SRGAP1: variants seen among roughly 807,000 people sequenced by gnomAD.
SRGAP1 encodes SLIT-ROBO Rho GTPase activating protein 1, also known as SLIT-ROBO Rho GTPase-activating protein 1.
In SRGAP1, 43 loss-of-function variants were observed where a neutral mutation model predicts 121.9. That is an observed-to-expected ratio of 0.35 (90% CI 0.28 to 0.46). SRGAP1 has a LOEUF of 0.46. SRGAP1 is among the 20% of genes least tolerant of loss of function. The pLI is 1.00. For missense variants in SRGAP1, 1,102 were observed against 1,350.9 expected (o/e 0.82, Z 2.89); for synonymous variants, 447 against 485.4 (o/e 0.92, Z 1.04).
intron 15 of SRGAP1, among the ~76,000 whole-genome samples, chr12:64,103,475 C>T (rs1175926215): frequency 2.0e-5 from 3 of 152,130 alleles, no homozygotes; most frequent in African/African-American, 7.2e-5. Context: ...CTATGATGAG[C>T]TTCTTAGTAC....
At chr12:63,904,301 T>A (rs1440531272) in intron 1 of SRGAP1, among the ~76,000 whole-genome samples, 1 of 152,178 alleles carries the variant, frequency 6.6e-6, no homozygotes, top group Non-Finnish European at 1.5e-5. Context: ...GATCACACAT[T>A]TCTGTTCACA....
At chr12:63,933,677 C>G (rs541813562) in intron 1 of SRGAP1, among the ~76,000 whole-genome samples, 12 of 152,288 alleles carry the variant, frequency 7.9e-5, no homozygotes, top group African/African-American at 2.9e-4. Flanking sequence ...AACTATCTTT[C>G]TTTTCCATTT....
chr12:64,008,451 T>G (rs928891410), intron 3 of SRGAP1, among the ~76,000 whole-genome samples: 7 of 152,170 alleles, frequency 4.6e-5, no homozygotes, highest in African/African-American at 1.7e-4. Context: ...TCTGAGGTGG[T>G]GCTATTCAGC....
chr12:64,049,640 A>G (rs1378714625), intron 6 of SRGAP1, among the ~76,000 whole-genome samples: 2 of 152,178 alleles, frequency 1.3e-5, no homozygotes, highest in African/African-American at 2.4e-5. Flanking sequence ...CAGCCAAACC[A>G]TATCAATGTT....
chr12:63,931,553 CAT>C (rs2031477314), intron 1 of SRGAP1, among the ~76,000 whole-genome samples: 1 of 152,152 alleles, frequency 6.6e-6, no homozygotes, highest in South Asian at 2.1e-4. Flanking sequence ...AGGAACAAGA[CAT>C]ATCATTTGAG....
In SRGAP1 at chr12:64,143,157, T is replaced by G. The variant is rs2036995160; in HGVS notation, c.*485T>G. 1 of 160,594 alleles carries G rather than the reference T, an allele frequency of 6.2e-6. No homozygotes were observed. The highest frequency in any genetic ancestry group is 1.4e-5 in the Non-Finnish European group (1 of 72,414). The allele number at this position is 160,594 out of a possible 1,614,324, so 9.9% of individuals were successfully genotyped here. A position where few individuals can be genotyped will look rare whatever the true frequency, so the allele number is the denominator to read the frequency against. ...CCTTCGGTTCCATGTGGAGCGGGGT[T>G]TAGCTCATGCAAAAGACTTGCAATT... On this transcript the variant is annotated 3_prime_UTR_variant, in exon 22 of 22. Transcript: ENST00000355086.
chr12:63,981,456 T>C (rs2033244290), intron 1 of SRGAP1, among the ~76,000 whole-genome samples: 1 of 152,238 alleles, frequency 6.6e-6, no homozygotes, highest in Admixed American at 6.5e-5. Context: ...GTTCTAAAAT[T>C]ACTTCATCTT....
At chr12:63,915,856 A>G (rs1023382760) in intron 1 of SRGAP1, among the ~76,000 whole-genome samples, 1 of 152,122 alleles carries the variant, frequency 6.6e-6, no homozygotes, top group Non-Finnish European at 1.5e-5. Flanking sequence ...CCTTTCACTA[A>G]CCTTCAAAAG....
intron 1 of SRGAP1, among the ~76,000 whole-genome samples, chr12:63,884,963 G>T (rs933947740): frequency 2.0e-5 from 3 of 151,834 alleles, no homozygotes; most frequent in Non-Finnish European, 4.4e-5. Flanking sequence ...CTCGTGATCC[G>T]CCCGCCTCGG....
chr12:64,032,421 C>A, intron 4 of SRGAP1: 3 of 648,226 alleles, frequency 4.6e-6, no homozygotes, highest in Admixed American at 4.7e-5. Context: ...TCAGTCAGAT[C>A]TCTGGGCTGA....
intron 6 of SRGAP1, among the ~76,000 whole-genome samples, chr12:64,055,165 C>A (rs2035316877): frequency 6.7e-6 from 1 of 149,290 alleles, no homozygotes. Flanking sequence ...TCTCAGGATA[C>A]AAAATCAATG....
intron 3 of SRGAP1, among the ~76,000 whole-genome samples, chr12:63,991,321 A>G (rs2033551485): frequency 6.6e-6 from 1 of 152,172 alleles, no homozygotes; most frequent in Admixed American, 6.5e-5. Context: ...CTTAAAACAA[A>G]GACATAGTGT....
intron 18 of SRGAP1, among the ~76,000 whole-genome samples, chr12:64,120,092 C>A (rs2036582314): frequency 6.6e-6 from 1 of 152,080 alleles, no homozygotes; most frequent in African/African-American, 2.4e-5. Flanking sequence ...TTTCTTTCTA[C>A]AAGTTGTATT....
chr12:64,032,453 A>G (rs2034801926), intron 4 of SRGAP1: 2 of 764,600 alleles, frequency 2.6e-6, no homozygotes, highest in Non-Finnish European at 4.6e-6. Flanking sequence ...AGTTTGCCCC[A>G]CCATTGGATT....
At chr12:63,958,901 T>A (rs1310416102) in intron 1 of SRGAP1, among the ~76,000 whole-genome samples, 1 of 152,260 alleles carries the variant, frequency 6.6e-6, no homozygotes, top group Non-Finnish European at 1.5e-5. Flanking sequence ...AAGTCCCATT[T>A]ATGTAAAGCA....
intron 1 of SRGAP1, among the ~76,000 whole-genome samples, chr12:63,968,184 T>G (rs941952227): frequency 1.3e-4 from 20 of 152,238 alleles, no homozygotes; most frequent in African/African-American, 4.3e-4. Flanking sequence ...TTTGTTCCTC[T>G]TATATTTATG....
At chr12:64,016,871 A>G in intron 3 of SRGAP1, 79 bp from the exon 4 acceptor site, 1 of 768,160 alleles carries the variant, frequency 1.3e-6, no homozygotes, top group South Asian at 1.9e-5. Context: ...CGTGTTAGAT[A>G]CATTCCTCTA....
intron 6 of SRGAP1, among the ~76,000 whole-genome samples, chr12:64,047,788 T>TA (rs1319112091): frequency 6.6e-6 from 1 of 152,120 alleles, no homozygotes; most frequent in East Asian, 1.9e-4. Context: ...ATGTGTATTG[T>TA]AAAAAACCAG....
In SRGAP1 at chr12:64,078,990, T is replaced by G. The variant is rs1466322857; in HGVS notation, c.1197T>G (p.Ser399=). The G allele has an allele frequency of 6.2e-7, 1 of 1,614,142 alleles. No homozygotes were observed. Among genetic ancestry groups the G allele is most frequent in the Non-Finnish European group, 8.5e-7 (1 of 1,180,006 alleles). ...DMVTIEDYDV[S]ECFQHSRSTE... is the part of the protein sequence containing the mutation. The stretch of plus-strand genomic sequence containing the variant: ...TCACCATCGAGGACTATGATGTTTC[T>G]GAATGCTTCCAGCACAGTCGTTCCA... The change falls in exon 9 of 22, where the codon TCT becomes TCG. Residue 399 remains serine, a synonymous_variant. Transcript: ENST00000355086.
Sources: gnomAD v4.1 joint callset for allele counts (sites outside exome capture counted in the v4.1 genomes callset) on GRCh38, gnomAD v4.1.1 for gene constraint, MANE v1.5 for transcripts, NCBI Gene and HGNC (gene_info 2026-07-23, HGNC 2026-07-21) for gene names.